CAMK4: variants seen among roughly 807,000 people sequenced by gnomAD.
CAMK4 encodes the protein calcium/calmodulin-dependent protein kinase type IV.
Under a neutral mutation model 44.9 loss-of-function variants are expected in CAMK4, and 22 were observed. The ratio of observed to expected loss-of-function variants is 0.49; its 90% CI spans 0.35 to 0.70. The LOEUF (loss-of-function observed/expected upper bound fraction) is 0.70. CAMK4 is among the 30% of genes least tolerant of loss of function. The probability of loss-of-function intolerance (pLI) is 0.01; values close to 1 mark genes in which losing one functional copy is unlikely to be tolerated. For missense variants in CAMK4, 498 were observed against 586.8 expected, an observed-to-expected ratio of 0.85 and a Z score of 1.56; for synonymous variants, 218 against 215.4, an observed-to-expected ratio of 1.01 and a Z score of -0.11.
At chr5:111,344,397 T>A (rs1266427136) in intron 2 of CAMK4, among the ~76,000 whole-genome samples, 1 of 1,872 alleles carries the variant, frequency 5.3e-4, no homozygotes, top group Non-Finnish European at 1.4e-3. Context: ...TTGGAGATTT[T>A]ATATATATAT....
In CAMK4 at chr5:111,387,251, G is replaced by T. The variant is rs527361246; in HGVS notation, c.387-7459G>T. Among the ~76,000 whole-genome samples the T allele has an allele frequency of 1.6e-4, 24 of 152,184 alleles. No homozygotes were observed. The South Asian group carries it at 1.7e-3, about 11-fold the overall frequency. ...AATATTTCGTTGCTTCTAAAACTCAGAGTCATGAGTATATTTCGTATAAAG... is the reference window on the plus strand; with the variant it reads ...AATATTTCGTTGCTTCTAAAACTCATAGTCATGAGTATATTTCGTATAAAG... On this transcript the variant is annotated intron_variant, in intron 4 of 10. Transcript: ENST00000282356.
At chr5:111,463,874 A>T (rs775332413) in intron 7 of CAMK4, among the ~76,000 whole-genome samples, 2 of 152,168 alleles carry the variant, frequency 1.3e-5, no homozygotes, top group Non-Finnish European at 2.9e-5. Flanking sequence ...TCCCTCTGAC[A>T]TAGTCCACCC....
rs965345022 is a variant in CAMK4 at position 111,485,829 on chromosome 5, A to G, written c.*1363A>G. 4 of 152,196 alleles carry G rather than the reference A, an allele frequency of 2.6e-5. No homozygotes were observed. Among genetic ancestry groups the G allele is most frequent in the African/African-American group, 4.8e-5 (2 of 41,470 alleles). 9.4% of individuals were successfully genotyped at this position (152,196 alleles called of 1,614,324 possible). On this transcript the variant is annotated 3_prime_UTR_variant, in exon 11 of 11. Coordinates refer to ENST00000282356, the MANE Select transcript of CAMK4 (RefSeq NM_001744.6). ...TAAGTTTAATTTCTCTTTGACTTTC[A>G]TAGAAACACTTTCCCCTTATAGAAA...
chr5:111,350,689 A>G (rs2112769997), intron 2 of CAMK4, among the ~76,000 whole-genome samples: 1 of 152,180 alleles, frequency 6.6e-6, no homozygotes, highest in African/African-American at 2.4e-5. Context: ...AAAGTTCTGG[A>G]AAGGTTTTGC....
rs200566906 is a variant in CAMK4 at position 111,460,265 on chromosome 5, C to CTTTTTTTTTTTTTTTTTTTTT, written c.625+11067_625+11068insTTTTTTTTTTTTTTTTTTTTT. Among the ~76,000 whole-genome samples, 3 of 122,714 alleles carry CTTTTTTTTTTTTTTTTTTTTT rather than the reference C, an allele frequency of 2.4e-5. 1 individual carries two copies. The highest frequency in any genetic ancestry group is 5.0e-5 in the Non-Finnish European group (3 of 59,862). 80.5% of individuals were successfully genotyped at this position (122,714 alleles called of 152,430 possible). ...TAATGTTTTTCTTTTCTTTTCTTTT[C>CTTTTTTTTTTTTTTTTTTTTT]TTTTTCTTTTTTTTTTTTTTGAGGC... is the stretch of plus-strand genomic sequence containing the variant. On this transcript the variant is annotated intron_variant, in intron 7 of 10. Coordinates refer to ENST00000282356, the MANE Select transcript of CAMK4 (RefSeq NM_001744.6).
chr5:111,246,645 G>A (rs75611869), intron 1 of CAMK4, among the ~76,000 whole-genome samples: 2,159 of 152,198 alleles, frequency 0.014, 50 homozygotes, highest in African/African-American at 0.05. Flanking sequence ...CATCATCCAG[G>A]ACAGTAAGGA....
intron 2 of CAMK4, among the ~76,000 whole-genome samples, chr5:111,373,315 C>T (rs1751082327): frequency 6.6e-6 from 1 of 152,066 alleles, no homozygotes; most frequent in Non-Finnish European, 1.5e-5. Context: ...TCCTTGTAAA[C>T]ATTTTTCCAT....
intron 1 of CAMK4, among the ~76,000 whole-genome samples, chr5:111,340,279 G>T (rs1749584871): frequency 6.6e-6 from 1 of 151,244 alleles, no homozygotes; most frequent in South Asian, 2.1e-4. Context: ...TGGTGAGATT[G>T]AGAATCTATG....
intron 1 of CAMK4, among the ~76,000 whole-genome samples, chr5:111,301,043 G>T (rs1446554203): frequency 1.3e-5 from 2 of 151,676 alleles, no homozygotes; most frequent in Non-Finnish European, 2.9e-5. Context: ...AAGTCCACAT[G>T]CTGGAGAAGG....
At chr5:111,231,356 G>A (rs569540127) in intron 1 of CAMK4, among the ~76,000 whole-genome samples, 1 of 152,286 alleles carries the variant, frequency 6.6e-6, no homozygotes, top group South Asian at 2.1e-4. Context: ...GAAATTCCTT[G>A]TTGTGGGGGC....
intron 2 of CAMK4, among the ~76,000 whole-genome samples, chr5:111,349,406 T>G (rs1750001358): frequency 1.3e-5 from 2 of 152,182 alleles, no homozygotes; most frequent in African/African-American, 4.8e-5. Flanking sequence ...AAGATTTTAT[T>G]AAGTTACTTT....
At chr5:111,328,916 G>A (rs185620308) in intron 1 of CAMK4, among the ~76,000 whole-genome samples, 214 of 152,082 alleles carry the variant, frequency 1.4e-3, no homozygotes, top group African/African-American at 5.0e-3. Context: ...TTTGGGCTGA[G>A]ACGATGGGGT....
intron 1 of CAMK4, among the ~76,000 whole-genome samples, chr5:111,234,386 G>T (rs540491928): frequency 3.2e-4 from 48 of 152,208 alleles, no homozygotes; most frequent in Non-Finnish European, 5.6e-4. Flanking sequence ...GAAGAAAACA[G>T]AATGAGAGTA....
At chr5:111,261,249 T>G (rs895179208) in intron 1 of CAMK4, among the ~76,000 whole-genome samples, 1 of 152,212 alleles carries the variant, frequency 6.6e-6, no homozygotes. Context: ...TCCACAATAT[T>G]GGACCCCATT....
At chr5:111,443,542 A>G (rs963213673) in intron 5 of CAMK4, among the ~76,000 whole-genome samples, 9 of 151,462 alleles carry the variant, frequency 5.9e-5, no homozygotes, top group South Asian at 2.1e-4. Context: ...ATTTTTCTCT[A>G]AACTTTCCTT....
chr5:111,224,612 C>T lies in CAMK4; in HGVS notation c.129C>T (p.Ser43=). 1 of 1,611,312 alleles carries T rather than the reference C, an allele frequency of 6.2e-7. No individual in the cohort carries two copies. Among genetic ancestry groups the T allele is most frequent in the African/African-American group, 1.3e-5 (1 of 74,828 alleles). ...ACGGCTCCAACAGGGATGCGCTGAG[C>T]GATTTCTTCGAGGTGGAGTCGGAGC... is the stretch of plus-strand genomic sequence containing the variant. ...WIDGSNRDAL[S]DFFEVESELG... Residue 43 remains serine, a synonymous_variant, in exon 1 of 11, where the codon AGC becomes AGT. Coordinates refer to ENST00000282356, the MANE Select transcript of CAMK4 (RefSeq NM_001744.6). This position sits in a 1 kb window ranked among gnomAD's most constrained non-coding sequence, Gnocchi z 5.7.
rs1755863595 is a variant in CAMK4, at chr5:111,492,114, TG to T, written c.*7649del. ...TAGTCTATTTCTGTCACAGAGAAAT[TG>T]TTCATTCCAAAATATCCACCTTAAG... On this transcript the variant is annotated 3_prime_UTR_variant, in exon 11 of 11. Coordinates refer to ENST00000282356, the MANE Select transcript of CAMK4 (RefSeq NM_001744.6). The T allele has an allele frequency of 6.6e-6, 1 of 152,176 alleles. No homozygotes were observed. Among genetic ancestry groups the T allele is most frequent in the East Asian group, 1.9e-4 (1 of 5,200 alleles). 9.4% of individuals were successfully genotyped at this position (152,176 alleles called of 1,614,324 possible).
At chr5:111,381,415 C>T (rs115129366) in intron 4 of CAMK4, among the ~76,000 whole-genome samples, 8,750 of 152,164 alleles carry the variant, frequency 0.058, 388 homozygotes, top group East Asian at 0.24. Flanking sequence ...ACCCAAGAGC[C>T]CCTGGCAAAT....
chr5:111,386,738 G>T (rs1411569087), intron 4 of CAMK4, among the ~76,000 whole-genome samples: 1 of 152,236 alleles, frequency 6.6e-6, no homozygotes, highest in Non-Finnish European at 1.5e-5. Flanking sequence ...GCGAGCAGTG[G>T]AAGTAAAAGG....
Sources: allele counts gnomAD v4.1 joint callset (sites outside exome capture counted in the v4.1 genomes callset), GRCh38; gene constraint gnomAD v4.1.1; non-coding constraint Gnocchi (gnomAD v3.1); transcripts MANE v1.5; gene names NCBI Gene and HGNC (gene_info 2026-07-23, HGNC 2026-07-21).